The following GNG12 variants were observed in gnomAD, a reference collection of about 807,000 sequenced individuals.
GNG12 encodes G protein subunit gamma 12.
For synonymous variants in GNG12, 28 were observed against 29.7 expected, an observed-to-expected ratio of 0.94 and a Z score of 0.19; for missense variants, 69 against 83.8, an observed-to-expected ratio of 0.82 and a Z score of 0.69.
In GNG12 at chr1:67,833,378, G is replaced by C; in HGVS notation, c.-111C>G. 1 of 985,528 alleles carries C rather than the reference G, an allele frequency of 1.0e-6. No individual in the cohort carries two copies. The allele number at this position is 985,528 out of a possible 1,614,324, so 61.0% of individuals were successfully genotyped here. A position where few individuals can be genotyped will look rare whatever the true frequency, so the allele number is the denominator to read the frequency against. On this transcript the variant is annotated 5_prime_UTR_variant, in exon 1 of 4. Coordinates refer to ENST00000370982, the MANE Select transcript of GNG12 (RefSeq NM_018841.6). ...GGTGCGCTGCCCCGCCGTCGCCGCC[G>C]GGACTCGGTCTCTAAGGGCTCCTGG...
At position 67,766,394 on chromosome 1, in the gene GNG12, T is replaced by C. The variant is rs574695349; in HGVS notation, c.-27+11064A>G. The stretch of plus-strand genomic sequence containing the variant: ...CACATACAAAGGGGTCTTTCCGCGC[T>C]CCTGCTTCTTCTCAATACATTTCAC... On this transcript the variant is annotated intron_variant, in intron 2 of 3. Coordinates refer to ENST00000370982, the MANE Select transcript of GNG12 (RefSeq NM_018841.6). Among the ~76,000 whole-genome samples the C allele has an allele frequency of 1.2e-3, 179 of 152,214 alleles. 1 individual carries two copies. The highest frequency in any genetic ancestry group is 4.2e-3 in the African/African-American group (173 of 41,534).
intron 1 of GNG12, among the ~76,000 whole-genome samples, chr1:67,778,712 A>T (rs1430833958): frequency 6.6e-6 from 1 of 152,202 alleles, no homozygotes; most frequent in Non-Finnish European, 1.5e-5. Flanking sequence ...TGAGACGGTG[A>T]CAGGGATGGG....
intron 2 of GNG12, among the ~76,000 whole-genome samples, chr1:67,770,228 C>A (rs1239817910): frequency 6.6e-6 from 1 of 152,170 alleles, no homozygotes; most frequent in Non-Finnish European, 1.5e-5. Flanking sequence ...ATGGAGGATT[C>A]TGTGAGTAAG....
At chr1:67,800,146 T>A (rs1388630360) in intron 1 of GNG12, among the ~76,000 whole-genome samples, 1 of 152,198 alleles carries the variant, frequency 6.6e-6, no homozygotes, top group Non-Finnish European at 1.5e-5. Flanking sequence ...CTTTAACCCA[T>A]GCAGAGTTTT....
At chr1:67,732,469 G>A (rs3766265) in intron 2 of GNG12, among the ~76,000 whole-genome samples, 15,310 of 152,168 alleles carry the variant, frequency 0.1, 881 homozygotes, top group African/African-American at 0.15. Context: ...TTTAAAAGAG[G>A]GGACTAAGTA....
At chr1:67,817,961 A>C (rs1646963756) in intron 1 of GNG12, among the ~76,000 whole-genome samples, 1 of 151,182 alleles carries the variant, frequency 6.6e-6, no homozygotes, top group African/African-American at 2.4e-5. Flanking sequence ...TAATTTTTAA[A>C]ATTTTTGTAG....
chr1:67,770,119 A>C (rs573300923), intron 2 of GNG12, among the ~76,000 whole-genome samples: 1 of 152,342 alleles, frequency 6.6e-6, no homozygotes, highest in Admixed American at 6.5e-5. Flanking sequence ...CAGATGGGAA[A>C]TTCCAAAGCA....
chr1:67,710,999 C>G (rs1646292120), intron 2 of GNG12, among the ~76,000 whole-genome samples: 2 of 152,224 alleles, frequency 1.3e-5, no homozygotes, highest in South Asian at 4.1e-4. Flanking sequence ...CAGGCATAGC[C>G]TAGCCCCTTC....
At chr1:67,756,070 C>T (rs1019528342) in intron 2 of GNG12, among the ~76,000 whole-genome samples, 5 of 152,138 alleles carry the variant, frequency 3.3e-5, no homozygotes, top group East Asian at 3.9e-4. Context: ...GTAAGACGAA[C>T]CCATTGTCCT....
At position 67,702,994 on chromosome 1, in the gene GNG12, G is replaced by C. The variant is rs1393868728; in HGVS notation, c.*2457C>G. 6.6e-6 allele frequency: 1 copy of C among 152,174 alleles called. No homozygotes were observed. Among genetic ancestry groups the C allele is most frequent in the African/African-American group, 2.4e-5 (1 of 41,434 alleles). 9.4% of individuals were successfully genotyped at this position (152,174 alleles called of 1,614,324 possible). ...TTGCAGACAGTTAAACTGTGGCTTT[G>C]TAAGGAGAATAAAGCCTGATAAAAA... On this transcript the variant is annotated 3_prime_UTR_variant, in exon 4 of 4. Coordinates refer to ENST00000370982, the MANE Select transcript of GNG12 (RefSeq NM_018841.6).
At chr1:67,754,879 C>T (rs1274689913) in intron 2 of GNG12, among the ~76,000 whole-genome samples, 1 of 152,190 alleles carries the variant, frequency 6.6e-6, no homozygotes, top group African/African-American at 2.4e-5. Flanking sequence ...CATCTAACTC[C>T]CTCCTCTCTG....
chr1:67,815,347 C>T (rs897074908), intron 1 of GNG12, among the ~76,000 whole-genome samples: 3 of 152,172 alleles, frequency 2.0e-5, no homozygotes, highest in African/African-American at 7.2e-5. Flanking sequence ...ATTCAATAGC[C>T]TACATACACC....
intron 2 of GNG12, among the ~76,000 whole-genome samples, chr1:67,709,570 C>T (rs1646269285): frequency 6.6e-6 from 1 of 151,780 alleles, no homozygotes. Context: ...AAGCCTTGGA[C>T]AAGCTCATTT....
chr1:67,757,785 C>T (rs1171473315), intron 2 of GNG12, among the ~76,000 whole-genome samples: 1 of 152,170 alleles, frequency 6.6e-6, no homozygotes, highest in Non-Finnish European at 1.5e-5. Flanking sequence ...AAAAGCACTG[C>T]TTTCTTTGAG....
chr1:67,787,761 C>T lies in GNG12; in HGVS notation c.-76-10254G>A, dbSNP rs150005691. 9.5e-4 allele frequency among the ~76,000 whole-genome samples: 145 copies of T among 152,284 alleles called. No homozygotes were observed. The Middle Eastern group carries it at 0.027, about 29-fold the overall frequency. On this transcript the variant is annotated intron_variant, in intron 1 of 3. Coordinates refer to ENST00000370982, the MANE Select transcript of GNG12 (RefSeq NM_018841.6). ...GGCCTTATTCACAACCCTAAGAGGACGGCAGAATTATTTCCATTTTACAGG... is the reference window on the plus strand; with the variant it reads ...GGCCTTATTCACAACCCTAAGAGGATGGCAGAATTATTTCCATTTTACAGG...
rs79339320 is a variant in GNG12 at position 67,708,802 on chromosome 1, G to A, written c.-26-1090C>T. On this transcript the variant is annotated intron_variant, in intron 2 of 3. Transcript: ENST00000370982. ...AGGTGGACAGTAGGTGTGCCTCCCC[G>A]GCGCTATGTGAGGGCTCAGCAAAGT... is the stretch of plus-strand genomic sequence containing the variant. Among the ~76,000 whole-genome samples the A allele has an allele frequency of 7.8e-3, 1,191 of 152,286 alleles. 9 individuals carry two copies. Among genetic ancestry groups the A allele is most frequent in the African/African-American group, 0.027 (1,113 of 41,542 alleles).
intron 1 of GNG12, among the ~76,000 whole-genome samples, chr1:67,804,555 T>C (rs1216657544): frequency 6.6e-6 from 1 of 152,086 alleles, no homozygotes; most frequent in Non-Finnish European, 1.5e-5. Context: ...TTGTTGTCAC[T>C]CGCTCCTAAC....
At chr1:67,812,933 C>G (rs1366031232) in intron 1 of GNG12, among the ~76,000 whole-genome samples, 2 of 152,180 alleles carry the variant, frequency 1.3e-5, no homozygotes, top group African/African-American at 2.4e-5. Flanking sequence ...GAATGGGCAG[C>G]TGGAATCAGG....
chr1:67,709,333 C>T (rs904847237), intron 2 of GNG12, among the ~76,000 whole-genome samples: 1 of 152,168 alleles, frequency 6.6e-6, no homozygotes, highest in East Asian at 1.9e-4. Flanking sequence ...ACCTCCCCAA[C>T]AAGTGGTCAA....
Sources: gnomAD v4.1 joint callset for allele counts (sites outside exome capture counted in the v4.1 genomes callset) on GRCh38, gnomAD v4.1.1 for gene constraint, MANE v1.5 for transcripts, NCBI Gene and HGNC (gene_info 2026-07-23, HGNC 2026-07-21) for gene names.